Variants in ZNF713 observed in about 807,000 individuals in gnomAD.
ZNF713 encodes zinc finger protein 713.
A neutral mutation model predicts 28.7 loss-of-function variants in ZNF713; 21 were observed. The ratio of observed to expected loss-of-function variants is 0.73; its 90% CI spans 0.52 to 1.05. The LOEUF (loss-of-function observed/expected upper bound fraction) is 1.05. Among genes scored for constraint, ZNF713 ranks in the 50% least tolerant of loss-of-function variants. The pLI is 0.00. For missense variants in ZNF713, 458 were observed against 532.4 expected, an observed-to-expected ratio of 0.86 and a Z score of 1.37; for synonymous variants, 167 against 178.0, an observed-to-expected ratio of 0.94 and a Z score of 0.49.
intron 2 of ZNF713, among the ~76,000 whole-genome samples, chr7:55,907,654 T>C (rs1785705445): frequency 6.6e-6 from 1 of 152,202 alleles, no homozygotes; most frequent in Non-Finnish European, 1.5e-5. Flanking sequence ...TGTTCCCCTC[T>C]GTATGTCTAC....
At chr7:55,907,608 C>G (rs556506163) in intron 2 of ZNF713, among the ~76,000 whole-genome samples, 2 of 152,234 alleles carry the variant, frequency 1.3e-5, no homozygotes, top group African/African-American at 4.8e-5. Flanking sequence ...TAACCCTTGT[C>G]CCACCCTCCC....
Position 55,887,600 on chromosome 7 carries a change from CGCGGCG to C in ZNF713, c.-629_-624del, listed in dbSNP as rs369789359. 0.16 allele frequency: 29,104 copies of C among 178,168 alleles called. 3,212 individuals carry two copies. The highest frequency in any genetic ancestry group is 0.2 in the African/African-American group (8,162 of 40,464). 11.0% of individuals were successfully genotyped at this position (178,168 alleles called of 1,614,324 possible). A position where few individuals can be genotyped will look rare whatever the true frequency, so the allele number is the denominator to read the frequency against. On this transcript the variant is annotated 5_prime_UTR_variant, in exon 1 of 7. Coordinates refer to ENST00000429591, the MANE Select transcript of ZNF713 (RefSeq NM_182633.3). The stretch of plus-strand genomic sequence containing the variant: ...GGCACCTTCTCCCTCCCGGGTCCAC[CGCGGCG>C]GCGGCGGCGGCGGCGGCGGCGGCGG...
chr7:55,911,563 G>C (rs919450916), intron 2 of ZNF713, 53 bp from the exon 3 acceptor site: 1 of 152,120 alleles, frequency 6.6e-6, no homozygotes, highest in Non-Finnish European at 1.5e-5. Context: ...TAAGCCCCTA[G>C]GTGGCTGAGA....
chr7:55,911,759 A>G lies in ZNF713; in HGVS notation c.-312A>G, dbSNP rs1053710272. ...AACCTTCAAGAGCCCCTTCATCTCA[A>G]CTCGGCATAAACAAGGCAAGATTCT... On this transcript the variant is annotated 5_prime_UTR_variant, in exon 3 of 7. Coordinates refer to ENST00000429591, the MANE Select transcript of ZNF713 (RefSeq NM_182633.3). The G allele has an allele frequency of 6.6e-6, 1 of 152,162 alleles. No homozygotes were observed. The highest frequency in any genetic ancestry group is 2.4e-5 in the African/African-American group (1 of 41,422). 9.4% of individuals were successfully genotyped at this position (152,162 alleles called of 1,614,324 possible).
At chr7:55,908,593 A>T (rs1404309826) in intron 2 of ZNF713, among the ~76,000 whole-genome samples, 1 of 149,258 alleles carries the variant, frequency 6.7e-6, no homozygotes, top group African/African-American at 2.5e-5. Context: ...CCACTTTTTG[A>T]TGGGTTTTTT....
chr7:55,919,490 G>GGTTTTTTTTTTTTTTTTT (rs1785944986), intron 4 of ZNF713, among the ~76,000 whole-genome samples: 1 of 66,760 alleles, frequency 1.5e-5, no homozygotes, highest in African/African-American at 5.0e-5. Flanking sequence ...AAACACTCCA[G>GGTTTTTTTTTTTTTTTTT]TTTTTTTTTT....
rs55656709 is a variant in ZNF713, at chr7:55,919,490, G to GTTTTTTTTTTTTTTT, written c.88-3653_88-3639dup. ...GCTGGATAAATTGGTAAACACTCCA[G>GTTTTTTTTTTTTTTT]TTTTTTTTTTTTTTTTTTTTTTTTT... On this transcript the variant is annotated intron_variant, in intron 4 of 6. Coordinates refer to ENST00000429591, the MANE Select transcript of ZNF713 (RefSeq NM_182633.3). Among the ~76,000 whole-genome samples, 116 of 66,732 alleles carry GTTTTTTTTTTTTTTT rather than the reference G, an allele frequency of 1.7e-3. 6 individuals carry two copies. Among genetic ancestry groups the GTTTTTTTTTTTTTTT allele is most frequent in the Non-Finnish European group, 2.8e-3 (91 of 32,206 alleles). 43.8% of individuals were successfully genotyped at this position (66,732 alleles called of 152,430 possible).
Position 55,927,352 on chromosome 7 carries a change from C to A in ZNF713, c.307+3653C>A, listed in dbSNP as rs141986656. Among the ~76,000 whole-genome samples the A allele has an allele frequency of 3.2e-3, 487 of 151,908 alleles. 9 individuals carry two copies. Among genetic ancestry groups the A allele is most frequent in the East Asian group, 0.012 (64 of 5,148 alleles). ...ACCAGCCTGGGCAACATAGTGAGAC[C>A]CCCATCTCTACAAAAAAATTAAAAG... On this transcript the variant is annotated intron_variant, in intron 6 of 6. Coordinates refer to ENST00000429591, the MANE Select transcript of ZNF713 (RefSeq NM_182633.3).
At chr7:55,937,972 G>A (rs1372297568) in intron 6 of ZNF713, among the ~76,000 whole-genome samples, 2 of 152,066 alleles carry the variant, frequency 1.3e-5, no homozygotes, top group Non-Finnish European at 2.9e-5. Flanking sequence ...GGGAGGCTGA[G>A]GCAATCAGAT....
chr7:55,931,014 G>A (rs73360334), intron 6 of ZNF713, among the ~76,000 whole-genome samples: 1 of 152,052 alleles, frequency 6.6e-6, no homozygotes. Context: ...GAGGCCTAGC[G>A]CAGTGGTGCA....
At chr7:55,905,134 C>T (rs1785656613) in intron 1 of ZNF713, among the ~76,000 whole-genome samples, 1 of 152,116 alleles carries the variant, frequency 6.6e-6, no homozygotes, top group Non-Finnish European at 1.5e-5. Flanking sequence ...GGGGCGTGGC[C>T]TCCGAAGTGG....
At chr7:55,900,587 A>G (rs560417400) in intron 1 of ZNF713, among the ~76,000 whole-genome samples, 57 of 152,360 alleles carry the variant, frequency 3.7e-4, no homozygotes, top group African/African-American at 1.3e-3. Context: ...AAGTGAAATA[A>G]GCCAAGCACA....
chr7:55,923,043 A>G (rs1486076854), intron 4 of ZNF713, 119 bp from the exon 5 acceptor site: 5 of 1,111,538 alleles, frequency 4.5e-6, no homozygotes, highest in Non-Finnish European at 4.8e-6. Context: ...AACAACTCAG[A>G]GTCCTGAAGA....
rs1785271132 is a variant in ZNF713, at chr7:55,887,628, G to GCGGCGGCGGCGT, written c.-633_-622dup. On this transcript the variant is annotated 5_prime_UTR_variant, in exon 1 of 7. Coordinates refer to ENST00000429591, the MANE Select transcript of ZNF713 (RefSeq NM_182633.3). ...GGCGGCGGCGGCGGCGGCGGCGGCG[G>GCGGCGGCGGCGT]CGGCGGCGGCGTCAGGGGGCGGAGC... 6.9e-6 allele frequency: 1 copy of GCGGCGGCGGCGT among 145,600 alleles called. No homozygotes were observed. The highest frequency in any genetic ancestry group is 8.8e-5 in the Admixed American group (1 of 11,366). 9.0% of individuals were successfully genotyped at this position (145,600 alleles called of 1,614,324 possible). A position where few individuals can be genotyped will look rare whatever the true frequency, so the allele number is the denominator to read the frequency against.
At chr7:55,895,173 G>A (rs1299735825) in intron 1 of ZNF713, among the ~76,000 whole-genome samples, 2 of 152,138 alleles carry the variant, frequency 1.3e-5, no homozygotes, top group Admixed American at 6.6e-5. Context: ...GAAGGGAATG[G>A]CAGTAATCAA....
intron 1 of ZNF713, among the ~76,000 whole-genome samples, chr7:55,893,295 T>A (rs1277776947): frequency 6.6e-6 from 1 of 152,166 alleles, no homozygotes; most frequent in African/African-American, 2.4e-5. Flanking sequence ...CATCCATGTA[T>A]AAATATGATT....
chr7:55,907,101 C>T (rs936671750), intron 2 of ZNF713, among the ~76,000 whole-genome samples: 1 of 152,000 alleles, frequency 6.6e-6, no homozygotes, highest in Non-Finnish European at 1.5e-5. Flanking sequence ...ATTTTTTTAG[C>T]CAGCTGAAGT....
intron 1 of ZNF713, among the ~76,000 whole-genome samples, chr7:55,897,387 C>T (rs1014553867): frequency 1.3e-5 from 2 of 151,912 alleles, no homozygotes; most frequent in Non-Finnish European, 2.9e-5. Flanking sequence ...TCAAGCAACC[C>T]TCTCACCTCA....
In ZNF713 at chr7:55,940,259, A is replaced by T. The variant is rs1746874321; in HGVS notation, c.*253A>T. On this transcript the variant is annotated 3_prime_UTR_variant, in exon 7 of 7. Coordinates refer to ENST00000429591, the MANE Select transcript of ZNF713 (RefSeq NM_182633.3). ...TGCCTCAGCCTCCTGAGTAGCTGGG[A>T]CCACAGGTATGCACCACCACGCCCA... 1 of 588,496 alleles carries T rather than the reference A, an allele frequency of 1.7e-6. No individual in the cohort carries two copies. Among genetic ancestry groups the T allele is most frequent in the South Asian group, 3.7e-5 (1 of 27,068 alleles). The allele number at this position is 588,496 out of a possible 1,614,324, so 36.5% of individuals were successfully genotyped here. A position where few individuals can be genotyped will look rare whatever the true frequency, so the allele number is the denominator to read the frequency against.
Sources: gnomAD v4.1 joint callset for allele counts (sites outside exome capture counted in the v4.1 genomes callset) on GRCh38, gnomAD v4.1.1 for gene constraint, MANE v1.5 for transcripts, NCBI Gene and HGNC (gene_info 2026-07-23, HGNC 2026-07-21) for gene names.